Variants in WNK1 observed in about 807,000 individuals in gnomAD.
The protein encoded by WNK1 is WNK lysine deficient protein kinase 1.
In WNK1, 38 loss-of-function variants were observed where a neutral mutation model predicts 222.8. The ratio of observed to expected loss-of-function variants is 0.17; its 90% confidence interval spans 0.13 to 0.22. WNK1 has a LOEUF of 0.22. Among genes scored for constraint, WNK1 ranks in the 10% least tolerant of loss-of-function variants. WNK1 has a pLI of 1.00. For missense variants in WNK1, 2,348 were observed against 2,918.4 expected (o/e 0.80, Z 4.50); for synonymous variants, 1,090 against 1,092.9 (o/e 1.00, Z 0.05).
At chr12:890,413 A>T in intron 21 of WNK1, 40 bp from the exon 22 acceptor site, 1 of 1,613,684 alleles carries the variant, frequency 6.2e-7, no homozygotes, top group South Asian at 1.1e-5. Flanking sequence ...GAGTGACTGA[A>T]GCTAAAGATT....
chr12:846,006 G>A (rs543535051), intron 4 of WNK1, among the ~76,000 whole-genome samples: 89 of 152,294 alleles, frequency 5.8e-4, no homozygotes, highest in African/African-American at 2.0e-3. Flanking sequence ...TTTTGCCTAA[G>A]GACATGCAGG....
intron 1 of WNK1, among the ~76,000 whole-genome samples, chr12:789,828 A>T (rs1229242650): frequency 2.0e-5 from 3 of 152,350 alleles, no homozygotes; most frequent in African/African-American, 7.2e-5. Context: ...ATTTCAGGCT[A>T]ATGCCCCTTA....
At chr12:804,281 C>T (rs182608265) in intron 1 of WNK1, among the ~76,000 whole-genome samples, 12 of 152,306 alleles carry the variant, frequency 7.9e-5, no homozygotes, top group Admixed American at 7.2e-4. Flanking sequence ...GTGAAATATA[C>T]ATAACATAAA....
Position 885,165 on chromosome 12 carries a change from C to T in WNK1, c.4361C>T (p.Ser1454Leu), listed in dbSNP as rs1953538085. 7 of 1,614,224 alleles carry T rather than the reference C, an allele frequency of 4.3e-6. No individual in the cohort carries two copies. The highest frequency in any genetic ancestry group is 5.9e-6 in the Non-Finnish European group (7 of 1,180,040). ...STALYPSVTV[S>L]ATSASAGGST... ...GCACTGTATCCTTCAGTAACAGTTT[C>T]AGCAACTTCAGCCTCTGCAGGGGGC... The change falls in exon 19 of 28, where the codon TCA becomes TTA. Residue 1454 changes from serine (S) to leucine (L), a missense_variant. Ser to Leu is a moderately radical substitution (Grantham distance 145, BLOSUM62 -2). This residue lies in a region of WNK1 where 1,144 missense variants were observed against 1,273.6 expected (regional missense o/e 0.90). Transcript: ENST00000315939.
intron 26 of WNK1, among the ~76,000 whole-genome samples, chr12:907,041 C>T (rs1243835616): frequency 1.2e-3 from 6 of 4,928 alleles, no homozygotes; most frequent in Admixed American, 4.1e-3. Context: ...AAAAAAAAGC[C>T]GGGCGTGGTG....
chr12:900,012 TTTTC>T (rs1444672484), intron 25 of WNK1, among the ~76,000 whole-genome samples: 4 of 57,158 alleles, frequency 7.0e-5, no homozygotes, highest in African/African-American at 2.0e-4. Context: ...CTATGGATTC[TTTTC>T]TTTTTTTTTT....
Position 910,459 on chromosome 12 carries a change from A to ATAAC in WNK1, c.*1669_*1672dup, listed in dbSNP as rs879731863. On this transcript the variant is annotated 3_prime_UTR_variant, in exon 28 of 28. Transcript: ENST00000315939. ...AAATAAATAATACTCCCCGTAAGTA[A>ATAAC]TAACTGCAACCAATCAGTGTTATTC... 6.6e-5 allele frequency: 10 copies of ATAAC among 152,224 alleles called. No individual in the cohort carries two copies. Among genetic ancestry groups the ATAAC allele is most frequent in the Admixed American group, 1.3e-4 (2 of 15,282 alleles). 9.4% of individuals were successfully genotyped at this position (152,224 alleles called of 1,614,324 possible). A position where few individuals can be genotyped will look rare whatever the true frequency, so the allele number is the denominator to read the frequency against.
chr12:801,422 T>TG (rs1945855154), intron 1 of WNK1, among the ~76,000 whole-genome samples: 5 of 124,104 alleles, frequency 4.0e-5, no homozygotes, highest in Admixed American at 3.6e-4. Context: ...CCTTTTTTTC[T>TG]TTGTGTGTGT....
At chr12:892,996 T>A (rs1237973237) in intron 22 of WNK1, among the ~76,000 whole-genome samples, 1 of 152,246 alleles carries the variant, frequency 6.6e-6, no homozygotes, top group African/African-American at 2.4e-5. Flanking sequence ...GGCTCACACC[T>A]CTAATCCCAG....
Position 896,217 on chromosome 12 carries a change from T to C in WNK1, c.5730T>C (p.Asn1910=). The part of the protein sequence containing the change: ...PESTLVKPEP[N]GITIPGISSD... ...GTACCTTGGTGAAACCAGAGCCGAA[T>C]GGCATAACCATCCCTGGTATCTCTT... Residue 1910 remains asparagine, a synonymous_variant, in exon 24 of 28, where the codon AAT becomes AAC. Transcript: ENST00000315939. 6.2e-7 allele frequency: 1 copy of C among 1,614,212 alleles called. No homozygotes were observed. The highest frequency in any genetic ancestry group is 8.5e-7 in the Non-Finnish European group (1 of 1,180,042).
At chr12:865,190 C>CT in intron 8 of WNK1, 4 of 1,415,270 alleles carry the variant, frequency 2.8e-6, no homozygotes, top group Non-Finnish European at 2.8e-6. Flanking sequence ...TCCCAGTGCT[C>CT]TTCCACCCCA....
At chr12:857,573 T>C (rs1455774713) in intron 5 of WNK1, among the ~76,000 whole-genome samples, 1 of 152,256 alleles carries the variant, frequency 6.6e-6, no homozygotes, top group Non-Finnish European at 1.5e-5. Context: ...ACAGGAAATC[T>C]TTTCTTAGTC....
chr12:816,085 A>G (rs766854912), intron 2 of WNK1, among the ~76,000 whole-genome samples: 4 of 152,202 alleles, frequency 2.6e-5, no homozygotes, highest in Non-Finnish European at 5.9e-5. Context: ...GAGGGGAGCT[A>G]GAACTTAGCC....
chr12:890,554 C>G, intron 22 of WNK1, 41 bp downstream of exon 22: 1 of 1,606,076 alleles, frequency 6.2e-7, no homozygotes, highest in Non-Finnish European at 8.5e-7. Context: ...CTAATTCCAG[C>G]CCTACCCGTA....
chr12:868,897 T>C, intron 8 of WNK1: 1 of 1,607,030 alleles, frequency 6.2e-7, no homozygotes, highest in Non-Finnish European at 8.5e-7. Flanking sequence ...CACAAATCAC[T>C]TCTTCAGACC....
intron 1 of WNK1, among the ~76,000 whole-genome samples, chr12:788,918 A>G (rs1017556563): frequency 1.3e-5 from 2 of 152,022 alleles, no homozygotes; most frequent in Non-Finnish European, 2.9e-5. Flanking sequence ...GTGAGCAAAC[A>G]TCTGTTTGGT....
intron 1 of WNK1, among the ~76,000 whole-genome samples, chr12:769,417 C>G (rs532704563): frequency 3.3e-5 from 5 of 152,224 alleles, no homozygotes; most frequent in Non-Finnish European, 7.4e-5. Context: ...AGGCTGGTCT[C>G]AAACTCCTGA....
At chr12:804,289 A>G (rs1000504719) in intron 1 of WNK1, among the ~76,000 whole-genome samples, 1 of 152,222 alleles carries the variant, frequency 6.6e-6, no homozygotes, top group African/African-American at 2.4e-5. Context: ...TACATAACAT[A>G]AATTTACCAT....
intron 1 of WNK1, among the ~76,000 whole-genome samples, chr12:789,818 A>ATGCCCCTTATGGCCCTAT (rs1312870587): frequency 6.6e-6 from 1 of 152,202 alleles, no homozygotes; most frequent in Non-Finnish European, 1.5e-5. Context: ...CTCAGCATGT[A>ATGCCCCTTATGGCCCTAT]TTTCAGGCTA....
Sources: gnomAD v4.1 joint callset for allele counts (sites outside exome capture counted in the v4.1 genomes callset) on GRCh38, gnomAD v4.1.1 for gene constraint, gnomAD v4.1.1 regional missense constraint, MANE v1.5 for transcripts, NCBI Gene and HGNC (gene_info 2026-07-23, HGNC 2026-07-21) for gene names.